XKR6: variants seen among roughly 807,000 people sequenced by gnomAD.
XKR6 encodes XK related 6.
Under a neutral mutation model 56.7 loss-of-function variants are expected in XKR6, and 22 were observed. The observed-to-expected ratio is 0.39, with a 90% CI of 0.28 to 0.55. The LOEUF (loss-of-function observed/expected upper bound fraction) is 0.55, where lower values mean the gene tolerates loss of function less well. Ranked by LOEUF, XKR6 falls within the 20% of genes least tolerant of loss-of-function variation. The pLI is 0.66. For synonymous variants in XKR6, 524 were observed against 387.8 expected (o/e 1.35, Z -4.13); for missense variants, 852 against 889.0 (o/e 0.96, Z 0.53).
At chr8:11,012,691 T>C (rs1250266184) in intron 1 of XKR6, among the ~76,000 whole-genome samples, 1 of 149,820 alleles carries the variant, frequency 6.7e-6, no homozygotes, top group African/African-American at 2.4e-5. Context: ...TCCCCTCCTT[T>C]TTTCTGGGCT....
chr8:10,998,619 C>T (rs1456997681), intron 1 of XKR6, among the ~76,000 whole-genome samples: 1 of 152,224 alleles, frequency 6.6e-6, no homozygotes, highest in Admixed American at 6.5e-5. Flanking sequence ...GCAGAGCAGG[C>T]TGCAAACCTT....
At chr8:10,950,465 C>A (rs1490949152) in intron 1 of XKR6, among the ~76,000 whole-genome samples, 1 of 152,172 alleles carries the variant, frequency 6.6e-6, no homozygotes, top group Non-Finnish European at 1.5e-5. Context: ...CACTGACCAG[C>A]CCCGAGATGG....
chr8:11,121,388 G>C (rs927329004), intron 1 of XKR6, among the ~76,000 whole-genome samples: 10 of 152,170 alleles, frequency 6.6e-5, no homozygotes, highest in African/African-American at 2.2e-4. Context: ...GATATGAACA[G>C]ACACTTCTCA....
chr8:11,054,288 G>C (rs574788826), intron 1 of XKR6, among the ~76,000 whole-genome samples: 2 of 152,222 alleles, frequency 1.3e-5, no homozygotes, highest in East Asian at 3.8e-4. Context: ...GAGGTGAAAA[G>C]AGAGAGCGCA....
At chr8:10,954,866 C>CTCTTTTTTTTT (rs1563309729) in intron 1 of XKR6, among the ~76,000 whole-genome samples, 1 of 92,794 alleles carries the variant, frequency 1.1e-5, no homozygotes, top group African/African-American at 4.3e-5. Flanking sequence ...ACTTCATTCT[C>CTCTTTTTTTTT]TTTTTTTTTT....
intron 1 of XKR6, among the ~76,000 whole-genome samples, chr8:11,140,915 A>AC (rs1800664161): frequency 6.6e-6 from 1 of 151,654 alleles, no homozygotes; most frequent in African/African-American, 2.4e-5. Context: ...AAAAAAAAAA[A>AC]ACCTTCCTGA....
chr8:11,107,383 T>C (rs1298718027), intron 1 of XKR6, among the ~76,000 whole-genome samples: 2 of 151,986 alleles, frequency 1.3e-5, no homozygotes, highest in African/African-American at 4.8e-5. Flanking sequence ...TTATTTTTTG[T>C]AGAGACAGGG....
chr8:11,008,087 C>A (rs2129144978), intron 1 of XKR6, among the ~76,000 whole-genome samples: 1 of 152,292 alleles, frequency 6.6e-6, no homozygotes, highest in East Asian at 1.9e-4. Flanking sequence ...AAGGACCTCA[C>A]CTGTGCACCT....
chr8:11,002,482 T>A, intron 1 of XKR6: 1 of 397,350 alleles, frequency 2.5e-6, no homozygotes, highest in Non-Finnish European at 5.3e-6. Flanking sequence ...AGAAAAAGAC[T>A]CAAGAATCAA....
chr8:11,013,705 C>G (rs886410863), intron 1 of XKR6, among the ~76,000 whole-genome samples: 1 of 152,238 alleles, frequency 6.6e-6, no homozygotes, highest in Non-Finnish European at 1.5e-5. Context: ...CCTCCCCTAG[C>G]TGGTTTGGAA....
chr8:11,149,742 C>T (rs979003392), intron 1 of XKR6, among the ~76,000 whole-genome samples: 2 of 152,152 alleles, frequency 1.3e-5, no homozygotes, highest in South Asian at 2.1e-4. Flanking sequence ...AATCCCATTA[C>T]TGGGCATTTG....
At chr8:11,074,005 A>G (rs1411286625) in intron 1 of XKR6, among the ~76,000 whole-genome samples, 1 of 150,370 alleles carries the variant, frequency 6.7e-6, no homozygotes, top group Non-Finnish European at 1.5e-5. Flanking sequence ...AAGAGAATTG[A>G]AAAAAGAAAA....
At chr8:11,101,176 T>C (rs955305026) in intron 1 of XKR6, among the ~76,000 whole-genome samples, 8 of 152,340 alleles carry the variant, frequency 5.3e-5, no homozygotes, top group Admixed American at 3.9e-4. Flanking sequence ...CCATAATTTA[T>C]AGCAAGAGAT....
chr8:10,987,641 A>G (rs1464775169), intron 1 of XKR6, among the ~76,000 whole-genome samples: 1 of 152,202 alleles, frequency 6.6e-6, no homozygotes, highest in East Asian at 1.9e-4. Flanking sequence ...GGACCACGTT[A>G]AACTGTAATC....
intron 1 of XKR6, among the ~76,000 whole-genome samples, chr8:11,001,543 C>G (rs1798238382): frequency 6.6e-6 from 1 of 152,228 alleles, no homozygotes; most frequent in Non-Finnish European, 1.5e-5. Flanking sequence ...CTCTCTACCC[C>G]TATAGCCAGT....
intron 1 of XKR6, among the ~76,000 whole-genome samples, chr8:11,123,005 G>C (rs1279306995): frequency 6.6e-6 from 1 of 152,010 alleles, no homozygotes; most frequent in Non-Finnish European, 1.5e-5. Flanking sequence ...GGGAGGCCGA[G>C]GTGGGTGGAT....
At chr8:11,063,514 C>A in intron 1 of XKR6, among the ~76,000 whole-genome samples, 1 of 92,382 alleles carries the variant, frequency 1.1e-5, no homozygotes. Flanking sequence ...AAGGCCCTGT[C>A]TCAAAAAAAA....
intron 1 of XKR6, chr8:11,108,228 A>G (rs1470488662): frequency 4.4e-6 from 2 of 452,808 alleles, no homozygotes; most frequent in Non-Finnish European, 8.8e-6. Context: ...AAATAACCAT[A>G]CAATTGTAAA....
intron 1 of XKR6, among the ~76,000 whole-genome samples, chr8:11,146,764 A>G (rs1399720679): frequency 6.6e-6 from 1 of 152,208 alleles, no homozygotes; most frequent in Non-Finnish European, 1.5e-5. Flanking sequence ...AGTGTGGTAA[A>G]CACACACAAT....
Sources: gnomAD v4.1 joint callset for allele counts (sites outside exome capture counted in the v4.1 genomes callset) on GRCh38, gnomAD v4.1.1 for gene constraint, MANE v1.5 for transcripts, NCBI Gene and HGNC (gene_info 2026-07-23, HGNC 2026-07-21) for gene names.